The following ABCC1 variants were observed in gnomAD, a reference collection of about 807,000 sequenced individuals.
ABCC1 encodes multidrug resistance-associated protein 1.
In ABCC1, 83 loss-of-function variants were observed where a neutral mutation model predicts 172.9. The observed-to-expected ratio is 0.48, with a 90% CI of 0.40 to 0.58. ABCC1 has a LOEUF of 0.58. ABCC1 is among the 20% of genes least tolerant of loss of function. ABCC1 has a pLI of 0.00. For synonymous variants in ABCC1, 937 were observed against 825.2 expected, an observed-to-expected ratio of 1.14 and a Z score of -2.32; for missense variants, 1,817 against 2,002.7, an observed-to-expected ratio of 0.91 and a Z score of 1.77.
At chr16:16,009,650 T>C in intron 2 of ABCC1, 126 bp from the exon 3 acceptor site, 1 of 1,043,210 alleles carries the variant, frequency 9.6e-7, no homozygotes. Context: ...TGCCATGTCC[T>C]AGGACTGTGG....
chr16:15,991,470 G>T (rs1318068310), intron 1 of ABCC1, among the ~76,000 whole-genome samples: 1 of 152,162 alleles, frequency 6.6e-6, no homozygotes, highest in East Asian at 1.9e-4. Context: ...AGGGTTGAGT[G>T]AAGTTCCGCA....
chr16:16,086,178 C>T (rs955494912), intron 17 of ABCC1, among the ~76,000 whole-genome samples: 8 of 152,198 alleles, frequency 5.3e-5, no homozygotes, highest in African/African-American at 7.2e-5. Context: ...GATTTGGTGC[C>T]GTCAGCCATC....
chr16:16,138,248 T>C, intron 29 of ABCC1, 116 bp from the exon 30 acceptor site: 1 of 941,196 alleles, frequency 1.1e-6, no homozygotes, highest in Non-Finnish European at 1.6e-6. Flanking sequence ...GTGGACATGC[T>C]TTCCTGGTCA....
At chr16:16,067,317 T>C (rs2050149415) in intron 12 of ABCC1, among the ~76,000 whole-genome samples, 1 of 152,182 alleles carries the variant, frequency 6.6e-6, no homozygotes, top group Non-Finnish European at 1.5e-5. Flanking sequence ...TCTGTCTTGT[T>C]AATGTCAGAG....
Position 16,136,652 on chromosome 16 carries a change from G to C in ABCC1, c.4292+8G>C. On this transcript the variant is annotated splice_region_variant and intron_variant, in intron 29 of 30. Coordinates refer to ENST00000399410, the MANE Select transcript of ABCC1 (RefSeq NM_004996.4). ...AGGCGGGGAGAACCTCAGGTAGGCG[G>C]GGGTGAACAAGGAGACACCGGGTAA... 1 of 1,613,726 alleles carries C rather than the reference G, an allele frequency of 6.2e-7. No individual in the cohort carries two copies. The highest frequency in any genetic ancestry group is 1.1e-5 in the South Asian group (1 of 91,018).
chr16:16,013,415 C>T (rs933117605), intron 3 of ABCC1, among the ~76,000 whole-genome samples: 1 of 152,008 alleles, frequency 6.6e-6, no homozygotes, highest in Non-Finnish European at 1.5e-5. Context: ...TGACTAAAGG[C>T]GTATGCCACC....
chr16:15,989,979 C>G (rs527425430), intron 1 of ABCC1, among the ~76,000 whole-genome samples: 1 of 151,812 alleles, frequency 6.6e-6, no homozygotes, highest in Non-Finnish European at 1.5e-5. Context: ...TGGGCTCAAG[C>G]GATCTTACCA....
chr16:16,080,481 G>T (rs960969765), intron 16 of ABCC1, among the ~76,000 whole-genome samples: 1 of 152,080 alleles, frequency 6.6e-6, no homozygotes, highest in African/African-American at 2.4e-5. Context: ...ATCCCCACTG[G>T]AAATCAACAG....
At chr16:16,069,548 G>T (rs968470556) in intron 13 of ABCC1, among the ~76,000 whole-genome samples, 1 of 151,886 alleles carries the variant, frequency 6.6e-6, no homozygotes, top group Non-Finnish European at 1.5e-5. Context: ...CGAGCATTGC[G>T]AACATCCCTT....
chr16:15,984,488 G>T (rs1016238372), intron 1 of ABCC1, among the ~76,000 whole-genome samples: 4 of 144,864 alleles, frequency 2.8e-5, no homozygotes, highest in Non-Finnish European at 6.0e-5. Context: ...CTGTCAACAG[G>T]CTGGAGTGCA....
chr16:16,065,496 A>G (rs1013292934), intron 12 of ABCC1, among the ~76,000 whole-genome samples: 2 of 152,112 alleles, frequency 1.3e-5, no homozygotes, highest in African/African-American at 4.8e-5. Context: ...GCAGTGGTGC[A>G]ATCTTGGCTC....
chr16:15,982,726 A>G (rs1408752373), intron 1 of ABCC1, among the ~76,000 whole-genome samples: 2 of 145,248 alleles, frequency 1.4e-5, no homozygotes, highest in Non-Finnish European at 3.0e-5. Flanking sequence ...GGATTGCTTA[A>G]GTCCAGGAGG....
At chr16:15,995,616 G>A (rs1047716922) in intron 1 of ABCC1, among the ~76,000 whole-genome samples, 1 of 152,064 alleles carries the variant, frequency 6.6e-6, no homozygotes, top group African/African-American at 2.4e-5. Context: ...GCCCATGGTA[G>A]TAGTCGCTGA....
chr16:16,141,983 C>T lies in ABCC1; in HGVS notation c.*702C>T, dbSNP rs1167767855. ...CCCACGCCTGTCCTCCTGGAAGGGA[C>T]CTGGTTGGACTAACGGCTAACCTGG... On this transcript the variant is annotated 3_prime_UTR_variant, in exon 31 of 31. Coordinates refer to ENST00000399410, the MANE Select transcript of ABCC1 (RefSeq NM_004996.4). 2 of 152,246 alleles carry T rather than the reference C, an allele frequency of 1.3e-5. No homozygotes were observed. Among genetic ancestry groups the T allele is most frequent in the African/African-American group, 2.4e-5 (1 of 41,458 alleles). The allele number at this position is 152,246 out of a possible 1,614,324, so 9.4% of individuals were successfully genotyped here.
chr16:15,982,489 G>C (rs907120566), intron 1 of ABCC1, among the ~76,000 whole-genome samples: 1 of 151,906 alleles, frequency 6.6e-6, no homozygotes, highest in African/African-American at 2.4e-5. Context: ...CAGATCTTGT[G>C]AGAATTCACT....
rs377353624 is a variant in ABCC1 at position 16,049,863 on chromosome 16, T to A, written c.1380+1560T>A. ...CACGCCCATTAAATTTTCTTTTTTT[T>A]TTGTATTTTTAGTAGAGACAGTGTT... On this transcript the variant is annotated intron_variant, in intron 10 of 30. Transcript: ENST00000399410. 2.6e-4 allele frequency among the ~76,000 whole-genome samples: 40 copies of A among 152,144 alleles called. 1 individual carries two copies. The highest frequency in any genetic ancestry group is 1.2e-3 in the Admixed American group (18 of 15,256).
intron 1 of ABCC1, among the ~76,000 whole-genome samples, chr16:16,002,065 G>C (rs1221132615): frequency 6.6e-6 from 1 of 152,144 alleles, no homozygotes; most frequent in Non-Finnish European, 1.5e-5. Flanking sequence ...AAATTCAATT[G>C]TTTATTCAAT....
chr16:15,989,285 C>T (rs2046808126), intron 1 of ABCC1, among the ~76,000 whole-genome samples: 1 of 152,032 alleles, frequency 6.6e-6, no homozygotes, highest in African/African-American at 2.4e-5. Context: ...GGGTGCAGCC[C>T]AGCCAACAGC....
chr16:16,137,118 G>A (rs943212234), intron 29 of ABCC1, among the ~76,000 whole-genome samples: 1 of 152,180 alleles, frequency 6.6e-6, no homozygotes, highest in Non-Finnish European at 1.5e-5. Context: ...CCTGGTTCTG[G>A]TTCTGTTATC....
Sources: gnomAD v4.1 joint callset for allele counts (sites outside exome capture counted in the v4.1 genomes callset) on GRCh38, gnomAD v4.1.1 for gene constraint, MANE v1.5 for transcripts, NCBI Gene and HGNC (gene_info 2026-07-23, HGNC 2026-07-21) for gene names.